Variants in SMAD3 observed in about 807,000 individuals in gnomAD.
The protein encoded by SMAD3 is SMAD family member 3, also known as MAD homolog 3.
In SMAD3, 12 loss-of-function variants were observed where a neutral mutation model predicts 51.8. That is an observed-to-expected ratio of 0.23 (90% confidence interval 0.15 to 0.38). The LOEUF (loss-of-function observed/expected upper bound fraction) is 0.38. Ranked by LOEUF, SMAD3 falls within the 10% of genes least tolerant of loss-of-function variation. The probability of loss-of-function intolerance (pLI) is 1.00; values close to 1 mark genes in which losing one functional copy is unlikely to be tolerated. For synonymous variants in SMAD3, 238 were observed against 227.7 expected (o/e 1.05, Z -0.41); for missense variants, 294 against 565.6 (o/e 0.52, Z 4.87).
chr15:67,122,345 A>G (rs367649143), intron 1 of SMAD3, among the ~76,000 whole-genome samples: 18 of 152,038 alleles, frequency 1.2e-4, no homozygotes, highest in African/African-American at 4.1e-4. Context: ...TTCCCCCCAG[A>G]CCCTGTCAGC....
chr15:67,125,689 G>A (rs1961367344), intron 1 of SMAD3: 1 of 985,252 alleles, frequency 1.0e-6, no homozygotes, highest in African/African-American at 1.7e-5. Flanking sequence ...ACTCCTCTGA[G>A]TCATGCCCAG....
chr15:67,093,984 C>G (rs2140216926), intron 1 of SMAD3, among the ~76,000 whole-genome samples: 1 of 152,364 alleles, frequency 6.6e-6, no homozygotes, highest in South Asian at 2.1e-4. Context: ...CGAGGGGACA[C>G]AGGCAAGGAA....
At chr15:67,086,530 G>A (rs1960398215) in intron 1 of SMAD3, among the ~76,000 whole-genome samples, 2 of 152,176 alleles carry the variant, frequency 1.3e-5, no homozygotes. Context: ...CGCCCTAGGA[G>A]GGGAGACTAT....
chr15:67,170,709 C>A, intron 5 of SMAD3, 105 bp downstream of exon 5: 1 of 952,180 alleles, frequency 1.1e-6, no homozygotes, highest in Non-Finnish European at 1.7e-6. Flanking sequence ...CCCCCGACCC[C>A]TACCATCAGC....
intron 1 of SMAD3, among the ~76,000 whole-genome samples, chr15:67,101,821 G>A (rs1443459164): frequency 1.3e-5 from 2 of 152,224 alleles, no homozygotes; most frequent in Non-Finnish European, 2.9e-5. Flanking sequence ...GTTGGTGTAA[G>A]CATCTGCATG....
At chr15:67,127,039 C>G (rs971466039) in intron 1 of SMAD3, among the ~76,000 whole-genome samples, 5 of 152,166 alleles carry the variant, frequency 3.3e-5, no homozygotes, top group Admixed American at 6.5e-5. Context: ...AGTTTTTCCA[C>G]TGCCATCAAA....
rs1270534696 is a variant in SMAD3 at position 67,098,850 on chromosome 15, G to A, written c.206+32490G>A. ...CACTGTTGCTCAGCTGGGGGATTTGGGGACGGTGGGAGGGCATACATGGAT... is the reference window on the plus strand; with the variant it reads ...CACTGTTGCTCAGCTGGGGGATTTGAGGACGGTGGGAGGGCATACATGGAT... On this transcript the variant is annotated intron_variant, in intron 1 of 8. Coordinates refer to ENST00000327367, the MANE Select transcript of SMAD3 (RefSeq NM_005902.4). 4 of 700,740 alleles carry A rather than the reference G, an allele frequency of 5.7e-6. No individual in the cohort carries two copies. In the African/African-American group the frequency reaches 7.0e-5, roughly 12 times the overall value. The allele number at this position is 700,740 out of a possible 1,614,324, so 43.4% of individuals were successfully genotyped here.
chr15:67,074,849 C>G (rs968425907), intron 1 of SMAD3, among the ~76,000 whole-genome samples: 1 of 152,158 alleles, frequency 6.6e-6, no homozygotes, highest in African/African-American at 2.4e-5. Flanking sequence ...GCCACCATGC[C>G]CAGCTAATTT....
At chr15:67,096,666 A>C (rs1047060132) in intron 1 of SMAD3, among the ~76,000 whole-genome samples, 2 of 152,000 alleles carry the variant, frequency 1.3e-5, no homozygotes, top group African/African-American at 4.8e-5. Context: ...CTTTTGCACA[A>C]AGGGTTCCAT....
At chr15:67,067,789 G>C (rs922146601) in intron 1 of SMAD3, among the ~76,000 whole-genome samples, 1 of 152,146 alleles carries the variant, frequency 6.6e-6, no homozygotes, top group African/African-American at 2.4e-5. Flanking sequence ...GCGTGTGATC[G>C]GGAGCCAGAA....
intron 1 of SMAD3, among the ~76,000 whole-genome samples, chr15:67,106,699 C>T (rs1960884521): frequency 6.6e-6 from 1 of 152,124 alleles, no homozygotes; most frequent in Non-Finnish European, 1.5e-5. Flanking sequence ...CTGTGATGGC[C>T]CCACACACAG....
intron 1 of SMAD3, among the ~76,000 whole-genome samples, chr15:67,119,164 A>C (rs528547562): frequency 6.6e-6 from 1 of 152,210 alleles, no homozygotes; most frequent in Non-Finnish European, 1.5e-5. Flanking sequence ...GAGACAGAGG[A>C]AAAGCAAGAT....
At chr15:67,094,697 G>A (rs758195331) in intron 1 of SMAD3, among the ~76,000 whole-genome samples, 6 of 152,258 alleles carry the variant, frequency 3.9e-5, no homozygotes, top group African/African-American at 4.8e-5. Context: ...GGGCTGCACT[G>A]ATGTAGGCAA....
At chr15:67,119,149 A>G (rs1009682288) in intron 1 of SMAD3, among the ~76,000 whole-genome samples, 4 of 152,222 alleles carry the variant, frequency 2.6e-5, no homozygotes, top group Non-Finnish European at 5.9e-5. Context: ...TAGGGAATGC[A>G]GGGAGAGACA....
At chr15:67,149,664 T>A (rs1962076754) in intron 1 of SMAD3, among the ~76,000 whole-genome samples, 4 of 152,194 alleles carry the variant, frequency 2.6e-5, no homozygotes, top group South Asian at 2.1e-4. Flanking sequence ...TTTTTTTTTT[T>A]AGGTACAATA....
Position 67,189,195 on chromosome 15 carries a change from T to C in SMAD3, c.1155-1218T>C, listed in dbSNP as rs377373777. On this transcript the variant is annotated intron_variant, in intron 8 of 8. Transcript: ENST00000327367. ...AAAGATGGACTGCAGTGGAAAAGAG[T>C]AAGGGGATGTCCATTTGCTCTTCTT... 5.3e-5 allele frequency among the ~76,000 whole-genome samples: 8 copies of C among 151,992 alleles called. No individual in the cohort carries two copies. In the East Asian group the frequency reaches 1.4e-3, roughly 26 times the overall value.
intron 1 of SMAD3, among the ~76,000 whole-genome samples, chr15:67,096,689 C>G (rs1220226341): frequency 1.3e-5 from 2 of 151,042 alleles, no homozygotes; most frequent in Non-Finnish European, 2.9e-5. Flanking sequence ...TTTCATTTTG[C>G]ACTGGGCCCC....
intron 1 of SMAD3, among the ~76,000 whole-genome samples, chr15:67,154,854 T>G (rs1050724199): frequency 8.5e-5 from 13 of 152,236 alleles, no homozygotes; most frequent in African/African-American, 3.1e-4. Context: ...TTAAAGACCT[T>G]CAGACAACTT....
intron 4 of SMAD3, among the ~76,000 whole-genome samples, chr15:67,168,501 G>A (rs1962653981): frequency 6.6e-6 from 1 of 152,234 alleles, no homozygotes; most frequent in Non-Finnish European, 1.5e-5. Flanking sequence ...GTCTCCAGCT[G>A]CTGTGTTTCT....
Sources: gnomAD v4.1 joint callset for allele counts (sites outside exome capture counted in the v4.1 genomes callset) on GRCh38, gnomAD v4.1.1 for gene constraint, MANE v1.5 for transcripts, NCBI Gene and HGNC (gene_info 2026-07-23, HGNC 2026-07-21) for gene names.